Variants in ANGPT4 observed in about 807,000 individuals in gnomAD.
ANGPT4 encodes the protein angiopoietin 4.
A neutral mutation model predicts 53.0 loss-of-function variants in ANGPT4; 50 were observed. The observed-to-expected ratio is 0.94, with a 90% CI of 0.75 to 1.20. The LOEUF (loss-of-function observed/expected upper bound fraction) is 1.20. Ranked by LOEUF, ANGPT4 falls within the 50% of genes most tolerant of loss-of-function variation. ANGPT4 has a pLI of 0.00. For missense variants in ANGPT4, 648 were observed against 637.1 expected, an observed-to-expected ratio of 1.02 and a Z score of -0.18; for synonymous variants, 251 against 259.7, an observed-to-expected ratio of 0.97 and a Z score of 0.32.
intron 1 of ANGPT4, 129 bp downstream of exon 1, chr20:915,777 C>T (rs1982905860): frequency 1.7e-6 from 2 of 1,197,390 alleles, no homozygotes; most frequent in South Asian, 3.3e-5. Flanking sequence ...CCACCCCTGC[C>T]CCTCTTTGTG....
Position 908,510 on chromosome 20 carries a change from ATC to A in ANGPT4, c.309+7394_309+7395del, listed in dbSNP as rs1286716717. ...CAGGCACCCATTATCCACCCCTAGC[ATC>A]TCTCGGTCCCTCCTTCATGGCACAT... On this transcript the variant is annotated intron_variant, in intron 1 of 8. Coordinates refer to ENST00000381922, the MANE Select transcript of ANGPT4 (RefSeq NM_015985.4). The surrounding 1 kb of genome is among the most constrained non-coding windows in gnomAD (Gnocchi z 4.9). 6.6e-6 allele frequency among the ~76,000 whole-genome samples: 1 copy of A among 151,714 alleles called. No homozygotes were observed. The highest frequency in any genetic ancestry group is 1.9e-4 in the East Asian group (1 of 5,176).
Position 890,373 on chromosome 20 carries a change from G to A in ANGPT4, c.310-5C>T. The A allele has an allele frequency of 6.2e-7, 1 of 1,607,766 alleles. No homozygotes were observed. Among genetic ancestry groups the A allele is most frequent in the East Asian group, 2.2e-5 (1 of 44,824 alleles). Reference sequence around the variant, plus strand: ...CGTCTTGATGGCCCTCTCTAGCTGTGGGAGACCATGGGCTGGGGTCACGGG... The same window carrying A: ...CGTCTTGATGGCCCTCTCTAGCTGTAGGAGACCATGGGCTGGGGTCACGGG... On this transcript the variant is annotated splice_polypyrimidine_tract_variant and splice_region_variant and intron_variant, in intron 1 of 8. Transcript: ENST00000381922.
At chr20:898,408 C>A (rs1982139089) in intron 1 of ANGPT4, among the ~76,000 whole-genome samples, 1 of 152,196 alleles carries the variant, frequency 6.6e-6, no homozygotes, top group South Asian at 2.1e-4. Flanking sequence ...TCTGACCTCT[C>A]CCAGATCAGT....
In ANGPT4 at chr20:885,186, C is replaced by T. The variant is rs746047404; in HGVS notation, c.727G>A (p.Gly243Ser). 3 of 1,602,808 alleles carry T rather than the reference C, an allele frequency of 1.9e-6. No individual in the cohort carries two copies. The highest frequency in any genetic ancestry group is 1.7e-5 in the Admixed American group (1 of 58,508). Residue 243 changes from glycine to serine, a missense_variant, in exon 4 of 9, where the codon GGT becomes AGT. Transcript: ENST00000381922. Reference protein sequence around the residue: ...ALTNIERGLRGVRHNSSLLQD... With the variant: ...ALTNIERGLRSVRHNSSLLQD... ...AGGAGGCTGGAGTTGTGCCTGACACCGCGCAGGCCGCGCTCGATGTTGGTG... is the reference window on the plus strand; with the variant it reads ...AGGAGGCTGGAGTTGTGCCTGACACTGCGCAGGCCGCGCTCGATGTTGGTG...
rs952336390 is a variant in ANGPT4 at position 881,340 on chromosome 20, G to A, written c.836-54C>T. 8 of 1,509,752 alleles carry A rather than the reference G, an allele frequency of 5.3e-6. No individual in the cohort carries two copies. The East Asian group carries it at 9.1e-5, about 17-fold the overall frequency. 93.5% of individuals were successfully genotyped at this position (1,509,752 alleles called of 1,614,324 possible). ...GGAGGTGGGCAAGGAAAGAGAGAAG[G>A]GGCCAAGTGGGCATGCCTGCCTGCT... On this transcript the variant is annotated intron_variant, in intron 4 of 8. Transcript: ENST00000381922.
intron 1 of ANGPT4, among the ~76,000 whole-genome samples, chr20:907,129 T>G (rs1180000549): frequency 3.3e-5 from 5 of 152,230 alleles, no homozygotes; most frequent in Admixed American, 1.3e-4. Context: ...AAATGGCCAC[T>G]GGGACCTGTG....
chr20:877,661 A>G (rs913870676), intron 7 of ANGPT4, among the ~76,000 whole-genome samples: 21 of 152,186 alleles, frequency 1.4e-4, no homozygotes, highest in Admixed American at 1.4e-3. Flanking sequence ...AACCTTGATG[A>G]TCTTACAAGA....
rs1489235457 is a variant in ANGPT4, at chr20:890,279, C to T, written c.399G>A (p.Glu133=). 2 of 1,614,026 alleles carry T rather than the reference C, an allele frequency of 1.2e-6. No individual in the cohort carries two copies. The highest frequency in any genetic ancestry group is 1.7e-6 in the Non-Finnish European group (2 of 1,179,992). The stretch of plus-strand genomic sequence containing the variant: ...TCTGGTTCAGGAGGCTGGTGCCCAG[C>T]TCTAGCATGGGGGCCGTCTGATTCT... The part of the protein sequence containing the change: ...MAQNQTAPML[E]LGTSLLNQTT... Residue 133 remains glutamate (E), a synonymous_variant, in exon 2 of 9, where the codon GAG becomes GAA. Transcript: ENST00000381922.
At chr20:912,164 G>A (rs185316853) in intron 1 of ANGPT4, among the ~76,000 whole-genome samples, 2 of 152,164 alleles carry the variant, frequency 1.3e-5, no homozygotes, top group Non-Finnish European at 2.9e-5. Context: ...ATGAAGAGAA[G>A]GCAGAGTATG....
Position 873,106 on chromosome 20 carries a change from C to T in ANGPT4, c.1366G>A (p.Ala456Thr), listed in dbSNP as rs963850145. 12 of 1,613,696 alleles carry T rather than the reference C, an allele frequency of 7.4e-6. No homozygotes were observed. Among genetic ancestry groups the T allele is most frequent in the Admixed American group, 1.7e-5 (1 of 60,004 alleles). ...QVMSGGWWFD[A>T]CGLSNLNGVY... ...CCGTTGAGGTTTGACAGGCCACAGGCGTCAAACCACCACCCTGGTGGAAGA... is the reference window on the plus strand; with the variant it reads ...CCGTTGAGGTTTGACAGGCCACAGGTGTCAAACCACCACCCTGGTGGAAGA... The change falls in exon 9 of 9, where the codon GCC becomes ACC. Residue 456 changes from alanine (A) to threonine (T), a missense_variant. Physicochemically the swap from Ala to Thr is moderately conservative, Grantham distance 58. Transcript: ENST00000381922.
chr20:916,083 G>C lies in ANGPT4; in HGVS notation c.132C>G (p.Ser44Arg). 1.9e-6 allele frequency: 3 copies of C among 1,614,196 alleles called. No individual in the cohort carries two copies. The highest frequency in any genetic ancestry group is 2.5e-6 in the Non-Finnish European group (3 of 1,180,014). Residue 44 changes from serine (S) to arginine (R), a missense_variant, in exon 1 of 9, where the codon AGC becomes AGG. Coordinates refer to ENST00000381922, the MANE Select transcript of ANGPT4 (RefSeq NM_015985.4). ...ETLVVQHGHC[S>R]YTFLLPKSEP... The stretch of plus-strand genomic sequence containing the variant: ...CAGACTTGGGCAGCAAGAAGGTGTA[G>C]CTACAGTGGCCGTGCTGGACTACAA...
Position 916,328 on chromosome 20 carries a change from T to A in ANGPT4, c.-114A>T. On this transcript the variant is annotated 5_prime_UTR_variant, in exon 1 of 9. Coordinates refer to ENST00000381922, the MANE Select transcript of ANGPT4 (RefSeq NM_015985.4). ...TTGCCTGCAGCTGCAGCTACAAACCTCTGTCTGGCCGAGCTCTGTCCAGGC... is the reference window on the plus strand; with the variant it reads ...TTGCCTGCAGCTGCAGCTACAAACCACTGTCTGGCCGAGCTCTGTCCAGGC... The A allele has an allele frequency of 8.6e-7, 1 of 1,158,210 alleles. No individual in the cohort carries two copies. Among genetic ancestry groups the A allele is most frequent in the Non-Finnish European group, 1.2e-6 (1 of 822,618 alleles). The allele number at this position is 1,158,210 out of a possible 1,614,324, so 71.7% of individuals were successfully genotyped here.
At chr20:906,358 C>CA (rs1982480224) in intron 1 of ANGPT4, among the ~76,000 whole-genome samples, 1 of 152,144 alleles carries the variant, frequency 6.6e-6, no homozygotes, top group South Asian at 2.1e-4. Context: ...GTCAAGCCTT[C>CA]AGATGAGTGC....
Position 915,921 on chromosome 20 carries a change from C to A in ANGPT4, c.294G>T (p.Thr98=), listed in dbSNP as rs749934902. Residue 98 remains threonine (T), a synonymous_variant, in exon 1 of 9, where the codon ACG becomes ACT. Coordinates refer to ENST00000381922, the MANE Select transcript of ANGPT4 (RefSeq NM_015985.4). ...KQLEQALQNN[T]QWLKKLERAI... ...TGCCCCGTACCTTCTTCAGCCACTGCGTGTTGTTCTGCAGTGCCTGCTCCA... is the reference window on the plus strand; with the variant it reads ...TGCCCCGTACCTTCTTCAGCCACTGAGTGTTGTTCTGCAGTGCCTGCTCCA... The A allele has an allele frequency of 6.3e-7, 1 of 1,579,242 alleles. No individual in the cohort carries two copies. The highest frequency in any genetic ancestry group is 8.6e-7 in the Non-Finnish European group (1 of 1,158,960).
chr20:884,086 C>T lies in ANGPT4; in HGVS notation c.835+992G>A, dbSNP rs79252129. On this transcript the variant is annotated intron_variant, in intron 4 of 8. Transcript: ENST00000381922. ...ACTATGGATCCAGGAGCAGCAGTAG[C>T]CCCTTTGGTCTTTCTCTCTCATCAG... 2.8e-4 allele frequency among the ~76,000 whole-genome samples: 43 copies of T among 152,278 alleles called. No individual in the cohort carries two copies. The East Asian group carries it at 8.1e-3, about 29-fold the overall frequency.
At chr20:879,478 A>C (rs1295835070) in intron 6 of ANGPT4, among the ~76,000 whole-genome samples, 1 of 152,210 alleles carries the variant, frequency 6.6e-6, no homozygotes, top group Non-Finnish European at 1.5e-5. Flanking sequence ...TGTATTCTTT[A>C]AAAAATTAGA....
intron 7 of ANGPT4, among the ~76,000 whole-genome samples, chr20:877,925 G>A (rs886685679): frequency 7.9e-5 from 12 of 152,196 alleles, no homozygotes; most frequent in African/African-American, 2.9e-4. Context: ...CTTGCTCCTC[G>A]GATGGCAGCA....
intron 1 of ANGPT4, among the ~76,000 whole-genome samples, chr20:899,311 G>A (rs148822310): frequency 0.034 from 5,144 of 151,508 alleles, 314 homozygotes; most frequent in African/African-American, 0.11. Flanking sequence ...GCAGTGGCGC[G>A]ATCTCGGCTC....
At position 890,233 on chromosome 20, in the gene ANGPT4, G is replaced by C; in HGVS notation, c.445C>G (p.Leu149Val). 1.9e-6 allele frequency: 3 copies of C among 1,613,854 alleles called. No individual in the cohort carries two copies. The highest frequency in any genetic ancestry group is 2.2e-5 in the South Asian group (2 of 91,066). The change falls in exon 2 of 9, where the codon CTG becomes GTG. Residue 149 changes from leucine to valine, a missense_variant. By Grantham distance (32) the Leu-to-Val change is conservative. Coordinates refer to ENST00000381922, the MANE Select transcript of ANGPT4 (RefSeq NM_015985.4). ...GTTACCTGAGCCTCCATGTCGGTCA[G>C]CTTGCGGATCTGGGCAGTGGTCTGG... ...LNQTTAQIRK[L>V]TDMEAQLLNQ...
Sources: allele counts gnomAD v4.1 joint callset (sites outside exome capture counted in the v4.1 genomes callset), GRCh38; gene constraint gnomAD v4.1.1; non-coding constraint Gnocchi (gnomAD v3.1); transcripts MANE v1.5; gene names NCBI Gene and HGNC (gene_info 2026-07-23, HGNC 2026-07-21).